NRXN1: variants seen among roughly 807,000 people sequenced by gnomAD.
The protein encoded by NRXN1 is neurexin-1.
A neutral mutation model predicts 150.9 loss-of-function variants in NRXN1; 39 were observed. That is an observed-to-expected ratio of 0.26 (90% CI 0.20 to 0.34). NRXN1 has a LOEUF of 0.34. Ranked by LOEUF, NRXN1 falls within the 10% of genes least tolerant of loss-of-function variation. The probability of loss-of-function intolerance (pLI) is 1.00; values close to 1 mark genes in which losing one functional copy is unlikely to be tolerated. For missense variants in NRXN1, 1,815 were observed against 1,949.9 expected, an observed-to-expected ratio of 0.93 and a Z score of 1.30; for synonymous variants, 924 against 757.0, an observed-to-expected ratio of 1.22 and a Z score of -3.62.
intron 5 of NRXN1, among the ~76,000 whole-genome samples, chr2:50,809,295 G>T (rs17569132): frequency 0.2 from 29,648 of 151,858 alleles, 2,974 homozygotes; most frequent in Non-Finnish European, 0.2. Context: ...GATGTCTACC[G>T]AAGGTCCCTT....
chr2:50,491,204 G>T (rs1302742728), intron 15 of NRXN1, among the ~76,000 whole-genome samples: 1 of 152,102 alleles, frequency 6.6e-6, no homozygotes, highest in Non-Finnish European at 1.5e-5. Context: ...AATAGAATCT[G>T]GTTTACTGAA....
At chr2:50,604,504 A>G (rs1676781140) in intron 8 of NRXN1, among the ~76,000 whole-genome samples, 1 of 152,152 alleles carries the variant, frequency 6.6e-6, no homozygotes, top group Admixed American at 6.6e-5. Context: ...TTCCCCATGC[A>G]TCTTTTCTCC....
chr2:50,796,346 G>A (rs182870080), intron 5 of NRXN1, among the ~76,000 whole-genome samples: 1 of 152,188 alleles, frequency 6.6e-6, no homozygotes, highest in Admixed American at 6.5e-5. Context: ...ACTCTGTTCT[G>A]AACATAAGCA....
At chr2:50,684,244 C>G (rs540917154) in intron 5 of NRXN1, among the ~76,000 whole-genome samples, 2 of 152,162 alleles carry the variant, frequency 1.3e-5, no homozygotes, top group Admixed American at 6.5e-5. Context: ...TGCCTGTAAT[C>G]CCAGAAGTTT....
intron 5 of NRXN1, among the ~76,000 whole-genome samples, chr2:50,749,175 A>AT (rs1700319757): frequency 6.6e-6 from 1 of 152,062 alleles, no homozygotes; most frequent in African/African-American, 2.4e-5. Flanking sequence ...TATACATCAG[A>AT]TTTTTTAAAT....
chr2:50,623,351 G>A lies in NRXN1; in HGVS notation c.1097C>T (p.Ala366Val), dbSNP rs1369505883. ...EPVNGKFNDNAWHDVKVTRNL... is the reference protein window; with the variant it reads ...EPVNGKFNDNVWHDVKVTRNL... ...CCTGGTGACTTTCACATCATGCCAG[G>A]CATTATCATTAAACTTTCCATTCAC... is the stretch of plus-strand genomic sequence containing the variant. The change falls in exon 6 of 23, where the codon GCC (alanine) becomes GTC (valine). Residue 366 changes from alanine (A) to valine (V), a missense_variant. Around this residue, in one of 6 missense-constraint regions of NRXN1, gnomAD observed 14 missense variants for 48.4 expected, o/e 0.29. Transcript: ENST00000401669. 1 of 1,613,226 alleles carries A rather than the reference G, an allele frequency of 6.2e-7. No individual in the cohort carries two copies. Among genetic ancestry groups the A allele is most frequent in the Admixed American group, 1.7e-5 (1 of 59,916 alleles).
chr2:50,896,463 G>GT (rs1223331722), intron 5 of NRXN1, among the ~76,000 whole-genome samples: 2 of 152,094 alleles, frequency 1.3e-5, no homozygotes, highest in Non-Finnish European at 2.9e-5. Context: ...TTAGAAAATG[G>GT]TGTGTGCTAT....
At chr2:50,271,763 T>C (rs186010585) in intron 17 of NRXN1, among the ~76,000 whole-genome samples, 7 of 152,134 alleles carry the variant, frequency 4.6e-5, no homozygotes, top group African/African-American at 1.7e-4. Flanking sequence ...AAATGTAAAC[T>C]TGCCTATTTT....
At chr2:50,682,971 C>T (rs1036467898) in intron 5 of NRXN1, among the ~76,000 whole-genome samples, 3 of 151,990 alleles carry the variant, frequency 2.0e-5, no homozygotes, top group Non-Finnish European at 4.4e-5. Flanking sequence ...GGTCTATACA[C>T]AAATATTCTG....
intron 17 of NRXN1, among the ~76,000 whole-genome samples, chr2:50,437,696 T>C (rs1267465285): frequency 1.4e-5 from 2 of 144,584 alleles, no homozygotes; most frequent in African/African-American, 5.6e-5. Flanking sequence ...ATACAGGGAG[T>C]TCTGGATGCA....
chr2:50,090,245 C>T (rs1364584841), intron 19 of NRXN1, among the ~76,000 whole-genome samples: 1 of 152,076 alleles, frequency 6.6e-6, no homozygotes, highest in African/African-American at 2.4e-5. Context: ...AATTGTGAGT[C>T]AGTACTTGGG....
chr2:50,414,022 C>G (rs1248060585), intron 17 of NRXN1, among the ~76,000 whole-genome samples: 2 of 118,062 alleles, frequency 1.7e-5, no homozygotes, highest in African/African-American at 6.9e-5. Context: ...GAATGGTTAC[C>G]AGAGGCTGGG....
At chr2:50,163,941 T>A (rs1275752149) in intron 18 of NRXN1, among the ~76,000 whole-genome samples, 1 of 152,162 alleles carries the variant, frequency 6.6e-6, no homozygotes, top group Admixed American at 6.5e-5. Context: ...GAAGGAGAAA[T>A]CATTACTTGC....
chr2:50,005,051 C>A (rs74639944), intron 21 of NRXN1, among the ~76,000 whole-genome samples: 15,571 of 152,092 alleles, frequency 0.1, 835 homozygotes, highest in Middle Eastern at 0.21. Flanking sequence ...CCACAGTAAC[C>A]AAAATAATAA....
intron 19 of NRXN1, among the ~76,000 whole-genome samples, chr2:50,089,014 G>A (rs1699188337): frequency 6.6e-6 from 1 of 152,066 alleles, no homozygotes; most frequent in African/African-American, 2.4e-5. Context: ...CTATGCTTGG[G>A]TAAAGCATCC....
chr2:50,427,081 C>T (rs2084554500), intron 17 of NRXN1, among the ~76,000 whole-genome samples: 1 of 152,088 alleles, frequency 6.6e-6, no homozygotes, highest in Non-Finnish European at 1.5e-5. Context: ...GTCTCACAAA[C>T]TAAAAGGGTG....
intron 18 of NRXN1, among the ~76,000 whole-genome samples, chr2:50,134,830 C>A (rs1706139926): frequency 6.6e-6 from 1 of 152,154 alleles, no homozygotes; most frequent in South Asian, 2.1e-4. Flanking sequence ...TGATGAAAGC[C>A]TCTAATGGCA....
intron 5 of NRXN1, among the ~76,000 whole-genome samples, chr2:50,638,620 C>T (rs181250962): frequency 2.8e-4 from 42 of 152,222 alleles, no homozygotes; most frequent in African/African-American, 9.1e-4. Context: ...ATGGATAGGA[C>T]GCATTCCACA....
chr2:50,318,460 G>C (rs1180941833), intron 17 of NRXN1, among the ~76,000 whole-genome samples: 1 of 152,044 alleles, frequency 6.6e-6, no homozygotes, highest in East Asian at 1.9e-4. Flanking sequence ...AGAAATTCTT[G>C]TGCATGATCC....
Sources: allele counts gnomAD v4.1 joint callset (sites outside exome capture counted in the v4.1 genomes callset), GRCh38; gene constraint gnomAD v4.1.1; regional missense constraint gnomAD v4.1.1; transcripts MANE v1.5; gene names NCBI Gene and HGNC (gene_info 2026-07-23, HGNC 2026-07-21).